The following CXCL11 variants were observed in gnomAD, a reference collection of about 807,000 sequenced individuals.
CXCL11 encodes C-X-C motif chemokine ligand 11.
Under a neutral mutation model 9.7 loss-of-function variants are expected in CXCL11, and 7 were observed. The observed-to-expected ratio is 0.72, with a 90% CI of 0.41 to 1.36. CXCL11 has a LOEUF of 1.36. CXCL11 is among the 40% of genes most tolerant of loss of function. The probability of loss-of-function intolerance (pLI) is 0.01; values close to 1 mark genes in which losing one functional copy is unlikely to be tolerated. For missense variants in CXCL11, 107 were observed against 113.4 expected, an observed-to-expected ratio of 0.94 and a Z score of 0.26; for synonymous variants, 35 against 34.4, an observed-to-expected ratio of 1.02 and a Z score of -0.06.
rs1734268853 is a variant in CXCL11 at position 76,035,283 on chromosome 4, T to G, written c.121A>C (p.Lys41Gln). 1 of 1,614,108 alleles carries G rather than the reference T, an allele frequency of 6.2e-7. No homozygotes were observed. The highest frequency in any genetic ancestry group is 8.5e-7 in the Non-Finnish European group (1 of 1,179,934). The stretch of plus-strand genomic sequence containing the variant: ...GAGGCTTTCTCAATATCTGCCACTT[T>G]CACTGCTTTTACCCCAGGGCCTATG... ...LCIGPGVKAV[K>Q]VADIEKASIM... Residue 41 changes from lysine (K) to glutamine (Q), a missense_variant, in exon 2 of 4, where the codon AAA (lysine) becomes CAA (glutamine). Transcript: ENST00000306621.
chr4:76,035,302 G>A lies in CXCL11; in HGVS notation c.102C>T (p.Gly34=). 6.2e-7 allele frequency: 1 copy of A among 1,613,986 alleles called. No homozygotes were observed. The highest frequency in any genetic ancestry group is 1.1e-5 in the South Asian group (1 of 91,074). The change falls in exon 2 of 4, where the codon GGC becomes GGT. Residue 34 remains glycine, a synonymous_variant. Coordinates refer to ENST00000306621, the MANE Select transcript of CXCL11 (RefSeq NM_005409.5). ...CCACTTTCACTGCTTTTACCCCAGG[G>A]CCTATGCAAAGACAGCGTCCTCTTT... The part of the protein sequence containing the change: ...MFKRGRCLCI[G]PGVKAVKVAD...
chr4:76,033,733 T>G lies in CXCL11; in HGVS notation c.*1060A>C, dbSNP rs1050969375. ...AGTTTATTAGAGAAAAAAATGACTT[T>G]GATTCTTTAAACTAGTCTTGAGTAT... On this transcript the variant is annotated 3_prime_UTR_variant, in exon 4 of 4. Transcript: ENST00000306621. The G allele has an allele frequency of 6.6e-6, 1 of 152,212 alleles. No homozygotes were observed. Among genetic ancestry groups the G allele is most frequent in the Non-Finnish European group, 1.5e-5 (1 of 68,040 alleles). 9.4% of individuals were successfully genotyped at this position (152,212 alleles called of 1,614,324 possible). A position where few individuals can be genotyped will look rare whatever the true frequency, so the allele number is the denominator to read the frequency against.
At chr4:76,035,870 ACATTTGAAACATTAGAAAAGG>A in intron 1 of CXCL11, 36 bp downstream of exon 1, 1 of 1,441,594 alleles carries the variant, frequency 6.9e-7, no homozygotes, top group Non-Finnish European at 9.6e-7. Context: ...GGAAGAAAAG[ACATTTGAAACATTAGAAAAGG>A]AACTTATAGG....
chr4:76,035,280 CTT>C lies in CXCL11; in HGVS notation c.122_123del (p.Lys41SerfsTer5). On this transcript the variant is annotated frameshift_variant, in exon 2 of 4. Coordinates refer to ENST00000306621, the MANE Select transcript of CXCL11 (RefSeq NM_005409.5). LOFTEE classifies it high-confidence loss of function. The stretch of plus-strand genomic sequence containing the variant: ...ATGGAGGCTTTCTCAATATCTGCCA[CTT>C]TCACTGCTTTTACCCCAGGGCCTAT... ...LCIGPGVKAV[K>X]VADIEKASIM... 1 of 1,614,088 alleles carries C rather than the reference CTT, an allele frequency of 6.2e-7. No homozygotes were observed. Among genetic ancestry groups the C allele is most frequent in the African/African-American group, 1.3e-5 (1 of 75,054 alleles).
In CXCL11 at chr4:76,034,619, G is replaced by T; in HGVS notation, c.*174C>A. Reference sequence around the variant, plus strand: ...CAGGAAGACTGTATTTCTGTTTTTGGTCCTTTCACCCACCTTTCATCCTTC... The same window carrying T: ...CAGGAAGACTGTATTTCTGTTTTTGTTCCTTTCACCCACCTTTCATCCTTC... On this transcript the variant is annotated 3_prime_UTR_variant, in exon 4 of 4. Coordinates refer to ENST00000306621, the MANE Select transcript of CXCL11 (RefSeq NM_005409.5). The T allele has an allele frequency of 1.6e-6, 1 of 630,698 alleles. No individual in the cohort carries two copies. Among genetic ancestry groups the T allele is most frequent in the Non-Finnish European group, 2.8e-6 (1 of 361,916 alleles). The allele number at this position is 630,698 out of a possible 1,614,324, so 39.1% of individuals were successfully genotyped here.
chr4:76,036,009 C>T lies in CXCL11; in HGVS notation c.-22G>A. On this transcript the variant is annotated 5_prime_UTR_variant, in exon 1 of 4. Coordinates refer to ENST00000306621, the MANE Select transcript of CXCL11 (RefSeq NM_005409.5). Reference sequence around the variant, plus strand: ...TCATGTTTGTTTTTTGCTGTTGCTGCTGGTGCTGCTGCTGCTACTTCAGCT... The same window carrying T: ...TCATGTTTGTTTTTTGCTGTTGCTGTTGGTGCTGCTGCTGCTACTTCAGCT... The T allele has an allele frequency of 1.2e-6, 2 of 1,609,644 alleles. No individual in the cohort carries two copies. Among genetic ancestry groups the T allele is most frequent in the Non-Finnish European group, 1.7e-6 (2 of 1,177,254 alleles).
rs1225503442 is a variant in CXCL11, at chr4:76,035,259, A to G, written c.145T>C (p.Ser49Pro). The change falls in exon 2 of 4, where the codon TCC (serine) becomes CCC (proline). Residue 49 changes from serine (S) to proline (P), a missense_variant. Physicochemically the swap from Ser to Pro is moderately conservative, Grantham distance 74. Coordinates refer to ENST00000306621, the MANE Select transcript of CXCL11 (RefSeq NM_005409.5). ...AVKVADIEKA[S>P]IMYPSNNCDK... The stretch of plus-strand genomic sequence containing the variant: ...CAGTTGTTACTTGGGTACATTATGG[A>G]GGCTTTCTCAATATCTGCCACTTTC... 1 of 1,613,984 alleles carries G rather than the reference A, an allele frequency of 6.2e-7. No individual in the cohort carries two copies. Among genetic ancestry groups the G allele is most frequent in the Non-Finnish European group, 8.5e-7 (1 of 1,179,948 alleles).
At position 76,034,815 on chromosome 4, in the gene CXCL11, T is replaced by C. The variant is rs768099347; in HGVS notation, c.263A>G (p.Lys88Arg). 1 of 1,555,242 alleles carries C rather than the reference T, an allele frequency of 6.4e-7. No individual in the cohort carries two copies. The highest frequency in any genetic ancestry group is 1.7e-5 in the Admixed American group (1 of 58,500). ...TTTTTAAAAATTCTTTCTTTCAACT[T>C]TCTGGAATAAGAAAACAAGAGTTTT... is the stretch of plus-strand genomic sequence containing the variant. ...KSKQARLIIK[K>R]VERKNF The change falls in exon 4 of 4, where the codon AAA becomes AGA. Residue 88 changes from lysine to arginine, a missense_variant and splice_region_variant. By Grantham distance (26) the Lys-to-Arg change is conservative. Coordinates refer to ENST00000306621, the MANE Select transcript of CXCL11 (RefSeq NM_005409.5).
chr4:76,034,940 A>T, intron 3 of CXCL11, 107 bp downstream of exon 3: 1 of 1,360,078 alleles, frequency 7.4e-7, no homozygotes. Context: ...AATATTTCAC[A>T]CAGGATCATA....
Position 76,034,470 on chromosome 4 carries a change from AG to A in CXCL11, c.*322del. 1.9e-6 allele frequency: 1 copy of A among 515,348 alleles called. No homozygotes were observed. Among genetic ancestry groups the A allele is most frequent in the Non-Finnish European group, 3.3e-6 (1 of 298,570 alleles). The allele number at this position is 515,348 out of a possible 1,614,324, so 31.9% of individuals were successfully genotyped here. A position where few individuals can be genotyped will look rare whatever the true frequency, so the allele number is the denominator to read the frequency against. On this transcript the variant is annotated 3_prime_UTR_variant, in exon 4 of 4. Coordinates refer to ENST00000306621, the MANE Select transcript of CXCL11 (RefSeq NM_005409.5). Reference sequence around the variant, plus strand: ...AAATGCATGAATGTATAATGCAACAAGTAAGAACGTGAAAGCACTTTGTAAA... The same window carrying A: ...AAATGCATGAATGTATAATGCAACAATAAGAACGTGAAAGCACTTTGTAAA...
Position 76,034,426 on chromosome 4 carries a change from A to G in CXCL11, c.*367T>C, listed in dbSNP as rs777532658. The stretch of plus-strand genomic sequence containing the variant: ...CAGAATAGTTGTAAGCATCAAATCT[A>G]GAAGGTTCTCTAGCCTAGAAATGCA... On this transcript the variant is annotated 3_prime_UTR_variant, in exon 4 of 4. Coordinates refer to ENST00000306621, the MANE Select transcript of CXCL11 (RefSeq NM_005409.5). The G allele has an allele frequency of 3.6e-5, 17 of 477,284 alleles. No individual in the cohort carries two copies. Among genetic ancestry groups the G allele is most frequent in the Admixed American group, 8.1e-5 (2 of 24,636 alleles). 29.6% of individuals were successfully genotyped at this position (477,284 alleles called of 1,614,324 possible).
chr4:76,034,431 G>C lies in CXCL11; in HGVS notation c.*362C>G. The C allele has an allele frequency of 2.1e-6, 1 of 481,668 alleles. No individual in the cohort carries two copies. 29.8% of individuals were successfully genotyped at this position (481,668 alleles called of 1,614,324 possible). A position where few individuals can be genotyped will look rare whatever the true frequency, so the allele number is the denominator to read the frequency against. ...TAGTTGTAAGCATCAAATCTAGAAG[G>C]TTCTCTAGCCTAGAAATGCATGAAT... On this transcript the variant is annotated 3_prime_UTR_variant, in exon 4 of 4. Transcript: ENST00000306621.
Position 76,034,254 on chromosome 4 carries a change from T to C in CXCL11, c.*539A>G. 1 of 394,782 alleles carries C rather than the reference T, an allele frequency of 2.5e-6. No individual in the cohort carries two copies. The highest frequency in any genetic ancestry group is 4.5e-6 in the Non-Finnish European group (1 of 224,028). The allele number at this position is 394,782 out of a possible 1,614,324, so 24.5% of individuals were successfully genotyped here. On this transcript the variant is annotated 3_prime_UTR_variant, in exon 4 of 4. Transcript: ENST00000306621. ...GCATGAAAAAATGTTTGAGGAATGT[T>C]TTACGACACATAGATGCTTTTGACT... is the stretch of plus-strand genomic sequence containing the variant.
At chr4:76,034,975 CATT>C in intron 3 of CXCL11, 69 bp downstream of exon 3, 1 of 1,456,634 alleles carries the variant, frequency 6.9e-7, no homozygotes, top group Non-Finnish European at 9.6e-7. Context: ...TAGTTGTCCA[CATT>C]ATTTTCTTTT....
At chr4:76,035,009 A>G (rs1227596144) in intron 3 of CXCL11, 38 bp downstream of exon 3, 1 of 1,551,960 alleles carries the variant, frequency 6.4e-7, no homozygotes, top group Non-Finnish European at 8.9e-7. Flanking sequence ...TGTCTTGGAT[A>G]AAACAGATTA....
rs1041633998 is a variant in CXCL11 at position 76,036,047 on chromosome 4, T to C, written c.-60A>G. Reference sequence around the variant, plus strand: ...TGCTACTTCAGCTTTGCTGCTCTTCTTGGAAGGAGTAGAAATGCTGAACAT... The same window carrying C: ...TGCTACTTCAGCTTTGCTGCTCTTCCTGGAAGGAGTAGAAATGCTGAACAT... On this transcript the variant is annotated 5_prime_UTR_variant, in exon 1 of 4. Coordinates refer to ENST00000306621, the MANE Select transcript of CXCL11 (RefSeq NM_005409.5). The C allele has an allele frequency of 2.2e-5, 33 of 1,503,664 alleles. No homozygotes were observed. Among genetic ancestry groups the C allele is most frequent in the Non-Finnish European group, 2.7e-5 (29 of 1,082,514 alleles). 93.1% of individuals were successfully genotyped at this position (1,503,664 alleles called of 1,614,324 possible). A position where few individuals can be genotyped will look rare whatever the true frequency, so the allele number is the denominator to read the frequency against.
intron 3 of CXCL11, 61 bp from the exon 4 acceptor site, chr4:76,034,877 T>A: frequency 6.8e-7 from 1 of 1,462,284 alleles, no homozygotes; most frequent in Non-Finnish European, 9.5e-7. Flanking sequence ...CCAGGACATC[T>A]AAAAACATGT....
rs1560585498 is a variant in CXCL11, at chr4:76,034,682, GA to G, written c.*110del. The G allele has an allele frequency of 1.1e-6, 1 of 879,628 alleles. No individual in the cohort carries two copies. Among genetic ancestry groups the G allele is most frequent in the Non-Finnish European group, 1.8e-6 (1 of 560,006 alleles). The allele number at this position is 879,628 out of a possible 1,614,324, so 54.5% of individuals were successfully genotyped here. A position where few individuals can be genotyped will look rare whatever the true frequency, so the allele number is the denominator to read the frequency against. ...AAAAGTTGAAAGTCACAAAACCATA[GA>G]AAAGTCTCAGTTTCCTACTGTAGAA... On this transcript the variant is annotated 3_prime_UTR_variant, in exon 4 of 4. Coordinates refer to ENST00000306621, the MANE Select transcript of CXCL11 (RefSeq NM_005409.5).
chr4:76,034,450 C>G lies in CXCL11; in HGVS notation c.*343G>C, dbSNP rs1734158954. 2.0e-6 allele frequency: 1 copy of G among 490,358 alleles called. No individual in the cohort carries two copies. The highest frequency in any genetic ancestry group is 3.5e-6 in the Non-Finnish European group (1 of 284,562). 30.4% of individuals were successfully genotyped at this position (490,358 alleles called of 1,614,324 possible). On this transcript the variant is annotated 3_prime_UTR_variant, in exon 4 of 4. Coordinates refer to ENST00000306621, the MANE Select transcript of CXCL11 (RefSeq NM_005409.5). Reference sequence around the variant, plus strand: ...TAGAAGGTTCTCTAGCCTAGAAATGCATGAATGTATAATGCAACAAGTAAG... The same window carrying G: ...TAGAAGGTTCTCTAGCCTAGAAATGGATGAATGTATAATGCAACAAGTAAG...
Sources: allele counts gnomAD v4.1 joint callset, GRCh38; gene constraint gnomAD v4.1.1; transcripts MANE v1.5; gene names NCBI Gene and HGNC (gene_info 2026-07-23, HGNC 2026-07-21).